The following SGPP2 variants were observed in gnomAD, a reference collection of about 807,000 sequenced individuals.
SGPP2 encodes the protein sphingosine-1-phosphate phosphatase 2.
In SGPP2, 30 loss-of-function variants were observed where a neutral mutation model predicts 33.9. The ratio of observed to expected loss-of-function variants is 0.89; its 90% CI spans 0.66 to 1.20. The LOEUF (loss-of-function observed/expected upper bound fraction) is 1.20. SGPP2 is among the 50% of genes most tolerant of loss of function. SGPP2 has a pLI of 0.00. For synonymous variants in SGPP2, 233 were observed against 225.0 expected (o/e 1.04, Z -0.32); for missense variants, 458 against 532.1 (o/e 0.86, Z 1.37).
Position 222,481,094 on chromosome 2 carries a change from G to A in SGPP2, c.378+6368G>A, listed in dbSNP as rs372804149. Among the ~76,000 whole-genome samples, 14 of 152,246 alleles carry A rather than the reference G, an allele frequency of 9.2e-5. 1 individual carries two copies. In the East Asian group the frequency reaches 1.2e-3, roughly 13 times the overall value. On this transcript the variant is annotated intron_variant, in intron 2 of 4. Transcript: ENST00000321276. ...ACAACACACACTGGGTACCTGTTGG[G>A]GGTTGGCAGGAGGGAGAGCATCAGG... is the stretch of plus-strand genomic sequence containing the variant.
chr2:222,513,312 G>A (rs1219606200), intron 2 of SGPP2, among the ~76,000 whole-genome samples: 1 of 152,166 alleles, frequency 6.6e-6, no homozygotes, highest in Non-Finnish European at 1.5e-5. Flanking sequence ...TTTTCTTAAA[G>A]CATGATGATT....
intron 4 of SGPP2, among the ~76,000 whole-genome samples, chr2:222,540,811 T>A (rs992119511): frequency 6.9e-6 from 1 of 145,880 alleles, no homozygotes; most frequent in Non-Finnish European, 1.5e-5. Context: ...GTTTAGCTTA[T>A]AAACTGTTTT....
chr2:222,521,503 C>T (rs949859682), intron 2 of SGPP2, among the ~76,000 whole-genome samples: 1 of 152,052 alleles, frequency 6.6e-6, no homozygotes, highest in Admixed American at 6.6e-5. Context: ...ATATAAGCTA[C>T]GTGTTTGTTA....
intron 1 of SGPP2, among the ~76,000 whole-genome samples, chr2:222,469,438 C>A (rs771118812): frequency 2.0e-5 from 3 of 152,214 alleles, no homozygotes; most frequent in Non-Finnish European, 4.4e-5. Context: ...CTGCCTCGGA[C>A]TCCCAAAGTG....
rs552725322 is a variant in SGPP2, at chr2:222,478,502, C to G, written c.378+3776C>G. 1.4e-4 allele frequency among the ~76,000 whole-genome samples: 22 copies of G among 152,186 alleles called. No individual in the cohort carries two copies. In the East Asian group the frequency reaches 1.5e-3, roughly 11 times the overall value. ...GGCAATCAGCTTCCTGCTGAGGCAG[C>G]CTTTCTTCAGAAAACGATATCCCTA... On this transcript the variant is annotated intron_variant, in intron 2 of 4. Coordinates refer to ENST00000321276, the MANE Select transcript of SGPP2 (RefSeq NM_152386.4).
intron 1 of SGPP2, among the ~76,000 whole-genome samples, chr2:222,433,409 G>A (rs574298918): frequency 6.6e-6 from 1 of 152,296 alleles, no homozygotes; most frequent in African/African-American, 2.4e-5. Flanking sequence ...TTAATTGCAA[G>A]TAGGTCGTTA....
intron 4 of SGPP2, among the ~76,000 whole-genome samples, chr2:222,549,032 G>A (rs1255207156): frequency 2.6e-5 from 4 of 152,128 alleles, no homozygotes; most frequent in East Asian, 1.9e-4. Context: ...CAAAGCATTC[G>A]CAGCATCTGC....
rs920584715 is a variant in SGPP2 at position 222,477,299 on chromosome 2, G to T, written c.378+2573G>T. 6.6e-6 allele frequency among the ~76,000 whole-genome samples: 1 copy of T among 150,854 alleles called. No individual in the cohort carries two copies. Among genetic ancestry groups the T allele is most frequent in the African/African-American group, 2.4e-5 (1 of 40,878 alleles). On this transcript the variant is annotated intron_variant, in intron 2 of 4. Transcript: ENST00000321276. This position sits in a 1 kb window ranked among gnomAD's most constrained non-coding sequence, Gnocchi z 6.0. ...TATGTGTGTATGGGTGTGTATATGT[G>T]TGTATATAGGTGTGAGTATATATGT... is the stretch of plus-strand genomic sequence containing the variant.
At chr2:222,558,318 C>A in intron 4 of SGPP2, 29 bp from the exon 5 acceptor site, 1 of 1,607,762 alleles carries the variant, frequency 6.2e-7, no homozygotes, top group Non-Finnish European at 8.5e-7. Context: ...CTCATTGGTT[C>A]ACACTGTTCT....
chr2:222,512,438 A>G (rs1243600034), intron 2 of SGPP2, among the ~76,000 whole-genome samples: 1 of 152,116 alleles, frequency 6.6e-6, no homozygotes. Flanking sequence ...ATTCCCCGCC[A>G]CAGTGATACA....
chr2:222,484,115 T>TA (rs1171540069), intron 2 of SGPP2, among the ~76,000 whole-genome samples: 9 of 152,064 alleles, frequency 5.9e-5, no homozygotes, highest in African/African-American at 7.2e-5. Context: ...AGTGTAGGTT[T>TA]AAAAAAAAGA....
At chr2:222,437,058 C>T (rs1319762333) in intron 1 of SGPP2, among the ~76,000 whole-genome samples, 1 of 152,128 alleles carries the variant, frequency 6.6e-6, no homozygotes, top group African/African-American at 2.4e-5. Flanking sequence ...CAAAATGGGT[C>T]ATCCTAGCCA....
In SGPP2 at chr2:222,504,727, C is replaced by A. The variant is rs549148728; in HGVS notation, c.379-17040C>A. Reference sequence around the variant, plus strand: ...TAGAATCATTTCTGGACACGTAGTCCCTATTGCTGAGGTCAAGGAAGGAGT... The same window carrying A: ...TAGAATCATTTCTGGACACGTAGTCACTATTGCTGAGGTCAAGGAAGGAGT... On this transcript the variant is annotated intron_variant, in intron 2 of 4. Coordinates refer to ENST00000321276, the MANE Select transcript of SGPP2 (RefSeq NM_152386.4). The A allele has an allele frequency of 4.2e-4, 64 of 152,236 alleles. 1 individual carries two copies. Among genetic ancestry groups the A allele is most frequent in the African/African-American group, 1.5e-3 (63 of 41,542 alleles). The allele number at this position is 152,236 out of a possible 1,614,324, so 9.4% of individuals were successfully genotyped here.
intron 2 of SGPP2, among the ~76,000 whole-genome samples, chr2:222,492,593 G>A (rs1698214927): frequency 6.6e-6 from 1 of 152,332 alleles, no homozygotes; most frequent in South Asian, 2.1e-4. Context: ...GGCCTGTGAT[G>A]GGTGGCCCAG....
intron 2 of SGPP2, among the ~76,000 whole-genome samples, chr2:222,511,839 G>A (rs574145029): frequency 2.9e-4 from 44 of 151,822 alleles, no homozygotes; most frequent in South Asian, 2.1e-3. Flanking sequence ...CACCACACCC[G>A]GAAAGTTTTT....
intron 2 of SGPP2, among the ~76,000 whole-genome samples, chr2:222,502,935 G>A (rs1481638140): frequency 1.3e-5 from 2 of 152,216 alleles, no homozygotes; most frequent in African/African-American, 4.8e-5. Flanking sequence ...TTTTAAAAAT[G>A]TGAATAGGAA....
intron 1 of SGPP2, among the ~76,000 whole-genome samples, chr2:222,443,410 T>G (rs1453419391): frequency 2.6e-5 from 4 of 152,162 alleles, no homozygotes; most frequent in African/African-American, 4.8e-5. Context: ...CCAGTGTCTA[T>G]CGTTCCCATC....
At chr2:222,450,785 AT>A (rs748808633) in intron 1 of SGPP2, among the ~76,000 whole-genome samples, 1 of 152,138 alleles carries the variant, frequency 6.6e-6, no homozygotes, top group Non-Finnish European at 1.5e-5. Flanking sequence ...AACCTTTGCC[AT>A]GTTTGAGAGA....
chr2:222,558,300 A>G (rs1439192334), intron 4 of SGPP2, 47 bp from the exon 5 acceptor site: 1 of 1,586,680 alleles, frequency 6.3e-7, no homozygotes, highest in Non-Finnish European at 8.6e-7. Flanking sequence ...CCTGTATACA[A>G]GGAAACACTC....
Sources: gnomAD v4.1 joint callset for allele counts (sites outside exome capture counted in the v4.1 genomes callset) on GRCh38, gnomAD v4.1.1 for gene constraint, Gnocchi (gnomAD v3.1) non-coding constraint, MANE v1.5 for transcripts, NCBI Gene and HGNC (gene_info 2026-07-23, HGNC 2026-07-21) for gene names.